PLXNA4: variants seen among roughly 807,000 people sequenced by gnomAD.
The protein encoded by PLXNA4 is plexin A4.
Under a neutral mutation model 191.8 loss-of-function variants are expected in PLXNA4, and 44 were observed. The observed-to-expected ratio is 0.23, with a 90% CI of 0.18 to 0.29. The LOEUF (loss-of-function observed/expected upper bound fraction) is 0.29. Among genes scored for constraint, PLXNA4 ranks in the 10% least tolerant of loss-of-function variants. The pLI is 1.00. For missense variants in PLXNA4, 1,800 were observed against 2,488.8 expected, an observed-to-expected ratio of 0.72 and a Z score of 5.89; for synonymous variants, 1,082 against 1,009.5, an observed-to-expected ratio of 1.07 and a Z score of -1.36.
At chr7:132,614,907 T>A (rs1248120943) in intron 2 of PLXNA4, among the ~76,000 whole-genome samples, 1 of 152,062 alleles carries the variant, frequency 6.6e-6, no homozygotes. Context: ...GTCGCCTGTG[T>A]CCCGCCGGCT....
chr7:132,566,739 T>C (rs1801743588), intron 1 of PLXNA4, among the ~76,000 whole-genome samples: 1 of 152,194 alleles, frequency 6.6e-6, no homozygotes, highest in Non-Finnish European at 1.5e-5. Context: ...CAGAGTGGCA[T>C]TCACACTTTT....
chr7:132,292,404 A>C (rs1778735520), intron 4 of PLXNA4, among the ~76,000 whole-genome samples: 1 of 152,210 alleles, frequency 6.6e-6, no homozygotes, highest in Non-Finnish European at 1.5e-5. Context: ...AACATTCCTC[A>C]GGGGCAGAGG....
At position 132,185,452 on chromosome 7, in the gene PLXNA4, G is replaced by A. The variant is rs1159646554; in HGVS notation, c.3005C>T (p.Ser1002Phe). The change falls in exon 16 of 32, where the codon TCC (serine) becomes TTC (phenylalanine). Residue 1002 changes from serine to phenylalanine, a missense_variant. By Grantham distance (155) the Ser-to-Phe change is radical. Around this residue, in one of 6 missense-constraint regions of PLXNA4, gnomAD observed 1,397 missense variants for 1,880.4 expected, o/e 0.74. Transcript: ENST00000321063. ...GGATGTGGTGTTGCAGACAATGTAG[G>A]ATGGAGATCGCCTGGAGGGCAGGAA... ...QPCLFHRRSP[S>F]YIVCNTTSSD... 6.2e-7 allele frequency: 1 copy of A among 1,612,818 alleles called. No homozygotes were observed. Among genetic ancestry groups the A allele is most frequent in the Non-Finnish European group, 8.5e-7 (1 of 1,179,538 alleles).
At chr7:132,384,210 A>C (rs1007893652) in intron 3 of PLXNA4, 2 of 985,322 alleles carry the variant, frequency 2.0e-6, no homozygotes, top group Non-Finnish European at 2.4e-6. Context: ...TCCAGGAACT[A>C]TACGAGGTTT....
chr7:132,630,262 G>A (rs1299430112), intron 2 of PLXNA4, among the ~76,000 whole-genome samples: 1 of 152,142 alleles, frequency 6.6e-6, no homozygotes, highest in Non-Finnish European at 1.5e-5. Context: ...CAGTCACACT[G>A]GGTATTGGGC....
Position 132,384,742 on chromosome 7 carries a change from GCATACA to G in PLXNA4, c.1372-86526_1372-86521del, listed in dbSNP as rs1366254523. 5 of 953,270 alleles carry G rather than the reference GCATACA, an allele frequency of 5.2e-6. No individual in the cohort carries two copies. In the African/African-American group the frequency reaches 1.1e-4, roughly 21 times the overall value. The allele number at this position is 953,270 out of a possible 1,614,324, so 59.1% of individuals were successfully genotyped here. On this transcript the variant is annotated intron_variant, in intron 3 of 31. Coordinates refer to ENST00000321063, the MANE Select transcript of PLXNA4 (RefSeq NM_020911.2). Reference sequence around the variant, plus strand: ...CACACACACCTTTAAACACAGATAAGCATACACACACACACACACACACACACACAC... The same window carrying G: ...CACACACACCTTTAAACACAGATAAGCACACACACACACACACACACACAC...
At chr7:132,365,950 C>A (rs1193853299) in intron 3 of PLXNA4, 1 of 152,178 alleles carries the variant, frequency 6.6e-6, no homozygotes, top group Non-Finnish European at 1.5e-5. Flanking sequence ...TCCAGAGAAA[C>A]AGTAAGATGA....
chr7:132,576,512 C>T (rs1802246026), upstream of PLXNA4: 2 of 985,654 alleles, frequency 2.0e-6, no homozygotes, highest in Non-Finnish European at 2.4e-6. This position sits in a 1 kb window ranked among gnomAD's most constrained non-coding sequence, Gnocchi z 5.8. Flanking sequence ...CTCCTCTGAA[C>T]GTGTGCGTGT....
intron 1 of PLXNA4, among the ~76,000 whole-genome samples, chr7:132,530,372 A>G (rs927759098): frequency 1.3e-5 from 2 of 152,222 alleles, no homozygotes; most frequent in African/African-American, 4.8e-5. Context: ...ATAAGAGTCT[A>G]ATATCCAGAA....
rs749661342 is a variant in PLXNA4, at chr7:132,211,065, T to C, written c.2176A>G (p.Asn726Asp). ...TGCCCAGACTGGGGCTGGGGGAGGT[T>C]CTTGGCCTTCAGCGTGATAGGCTTG... ...VIKPITLKAK[N>D]LPQPQSGQRG... The change falls in exon 10 of 32, where the codon AAC (asparagine) becomes GAC (aspartate). Residue 726 changes from asparagine to aspartate, a missense_variant. Physicochemically the swap from Asn to Asp is conservative, Grantham distance 23. Coordinates refer to ENST00000321063, the MANE Select transcript of PLXNA4 (RefSeq NM_020911.2). 1.9e-6 allele frequency: 3 copies of C among 1,610,704 alleles called. No individual in the cohort carries two copies. In the South Asian group the frequency reaches 3.3e-5, roughly 18 times the overall value.
intron 25 of PLXNA4, among the ~76,000 whole-genome samples, chr7:132,158,678 G>A (rs1795862857): frequency 6.6e-6 from 1 of 152,004 alleles, no homozygotes; most frequent in Admixed American, 6.5e-5. Flanking sequence ...ACTTGACCAG[G>A]GACACACAGC....
chr7:132,179,675 G>A lies in PLXNA4; in HGVS notation c.3874+12C>T. On this transcript the variant is annotated intron_variant, in intron 20 of 31. Transcript: ENST00000321063. Reference sequence around the variant, plus strand: ...ACACACACATGGCCTCCAGCATGGGGCCACTCAGTACCTTCCTTGCACTCC... The same window carrying A: ...ACACACACATGGCCTCCAGCATGGGACCACTCAGTACCTTCCTTGCACTCC... 1 of 1,606,778 alleles carries A rather than the reference G, an allele frequency of 6.2e-7. No individual in the cohort carries two copies. Among genetic ancestry groups the A allele is most frequent in the Non-Finnish European group, 8.5e-7 (1 of 1,173,790 alleles).
chr7:132,517,441 G>A (rs1047011489), intron 1 of PLXNA4, among the ~76,000 whole-genome samples: 26 of 152,198 alleles, frequency 1.7e-4, no homozygotes, highest in Admixed American at 1.7e-3. Context: ...CACCCACCAG[G>A]AACATCAGAC....
intron 3 of PLXNA4, among the ~76,000 whole-genome samples, chr7:132,314,165 G>T (rs1159400770): frequency 6.6e-6 from 1 of 152,116 alleles, no homozygotes; most frequent in Non-Finnish European, 1.5e-5. Context: ...TAGTATCTGA[G>T]GAACTTTTCT....
intron 3 of PLXNA4, among the ~76,000 whole-genome samples, chr7:132,434,739 G>A (rs941804808): frequency 6.6e-6 from 1 of 152,212 alleles, no homozygotes; most frequent in African/African-American, 2.4e-5. Context: ...TATCCTAAGT[G>A]TGGAACGGTG....
chr7:132,587,316 G>T (rs549475136), intron 2 of PLXNA4, among the ~76,000 whole-genome samples: 1 of 152,218 alleles, frequency 6.6e-6, no homozygotes, highest in Admixed American at 6.5e-5. Flanking sequence ...ACTTCAAGAT[G>T]TGAAAGTAGG....
intron 3 of PLXNA4, among the ~76,000 whole-genome samples, chr7:132,303,860 G>C (rs978784471): frequency 6.6e-6 from 1 of 152,174 alleles, no homozygotes; most frequent in Non-Finnish European, 1.5e-5. Flanking sequence ...TATGGCAGAG[G>C]AGTGTTCTAA....
chr7:132,576,725 T>A, upstream of PLXNA4: 1 of 431,442 alleles, frequency 2.3e-6, no homozygotes, highest in Non-Finnish European at 3.1e-6. The surrounding 1 kb of genome is among the most constrained non-coding windows in gnomAD (Gnocchi z 5.8). Context: ...AACACCCCTT[T>A]CCTCCACCCA....
At chr7:132,331,611 C>T (rs1802593346) in intron 3 of PLXNA4, among the ~76,000 whole-genome samples, 2 of 152,232 alleles carry the variant, frequency 1.3e-5, no homozygotes, top group South Asian at 4.1e-4. Context: ...GAACAGCTCA[C>T]TCAGCCATTG....
Sources: allele counts gnomAD v4.1 joint callset (sites outside exome capture counted in the v4.1 genomes callset), GRCh38; gene constraint gnomAD v4.1.1; regional missense constraint gnomAD v4.1.1; non-coding constraint Gnocchi (gnomAD v3.1); transcripts MANE v1.5; gene names NCBI Gene and HGNC (gene_info 2026-07-23, HGNC 2026-07-21).